Variants in PTPRM observed in about 807,000 individuals in gnomAD.
PTPRM encodes receptor-type tyrosine-protein phosphatase mu.
PTPRM carries 47 observed loss-of-function variants against 186.7 expected under a neutral mutation model. The ratio of observed to expected loss-of-function variants is 0.25; its 90% CI spans 0.20 to 0.32. The LOEUF (loss-of-function observed/expected upper bound fraction) is 0.32, where lower values mean the gene tolerates loss of function less well. Ranked by LOEUF, PTPRM falls within the 10% of genes least tolerant of loss-of-function variation. The pLI, the probability that PTPRM is intolerant of heterozygous loss-of-function variation, is 1.00. For synonymous variants in PTPRM, 668 were observed against 674.9 expected (o/e 0.99, Z 0.16); for missense variants, 1,494 against 1,865.0 (o/e 0.80, Z 3.66).
At chr18:8,323,351 G>A (rs2095357191) in intron 22 of PTPRM, among the ~76,000 whole-genome samples, 1 of 152,072 alleles carries the variant, frequency 6.6e-6, no homozygotes, top group Non-Finnish European at 1.5e-5. Context: ...CCTGTGTACT[G>A]CATGCTCACC....
chr18:8,272,372 T>G (rs2094783496), intron 19 of PTPRM, among the ~76,000 whole-genome samples: 1 of 152,068 alleles, frequency 6.6e-6, no homozygotes, highest in Non-Finnish European at 1.5e-5. Context: ...TTAAATGAGG[T>G]GCTAAACACA....
chr18:7,849,496 CAATTCTT>C (rs2046763184), intron 2 of PTPRM, among the ~76,000 whole-genome samples: 1 of 152,160 alleles, frequency 6.6e-6, no homozygotes, highest in Non-Finnish European at 1.5e-5. Context: ...ACTCTAGCTC[CAATTCTT>C]AAGTGGGGAA....
intron 1 of PTPRM, among the ~76,000 whole-genome samples, chr18:7,702,276 A>G (rs1405626483): frequency 6.6e-6 from 1 of 152,214 alleles, no homozygotes; most frequent in Non-Finnish European, 1.5e-5. Flanking sequence ...ACTGTCTTCC[A>G]CAATGATTGA....
At chr18:7,926,451 A>G in intron 4 of PTPRM, 117 bp from the exon 5 acceptor site, 1 of 558,420 alleles carries the variant, frequency 1.8e-6, no homozygotes, top group East Asian at 3.1e-5. Flanking sequence ...CAAAAGCATT[A>G]TTTTTTTCCC....
chr18:8,345,829 G>A (rs1251917852), intron 23 of PTPRM, among the ~76,000 whole-genome samples: 1 of 152,020 alleles, frequency 6.6e-6, no homozygotes, highest in Non-Finnish European at 1.5e-5. Context: ...ACATAGATAG[G>A]AAGAGATGAA....
At chr18:8,131,924 T>C (rs547940915) in intron 13 of PTPRM, among the ~76,000 whole-genome samples, 1 of 152,362 alleles carries the variant, frequency 6.6e-6, no homozygotes, top group Non-Finnish European at 1.5e-5. Flanking sequence ...TCAGTATCTC[T>C]GATGAGCTTT....
chr18:7,694,789 T>C (rs1244652601), intron 1 of PTPRM, among the ~76,000 whole-genome samples: 1 of 152,160 alleles, frequency 6.6e-6, no homozygotes, highest in Admixed American at 6.5e-5. Flanking sequence ...AATGGGTGAA[T>C]GTATTCATGA....
intron 5 of PTPRM, among the ~76,000 whole-genome samples, chr18:7,935,398 T>G (rs1405094719): frequency 6.6e-6 from 1 of 151,606 alleles, no homozygotes; most frequent in Non-Finnish European, 1.5e-5. Context: ...ATGTTTTAAC[T>G]TAATATGATT....
intron 14 of PTPRM, among the ~76,000 whole-genome samples, chr18:8,163,358 A>G (rs917893770): frequency 6.6e-6 from 1 of 152,120 alleles, no homozygotes; most frequent in Non-Finnish European, 1.5e-5. Flanking sequence ...ACTCTAGATT[A>G]AGTCTAGCTT....
At chr18:7,755,650 T>C (rs1297596567) in intron 1 of PTPRM, among the ~76,000 whole-genome samples, 6 of 152,252 alleles carry the variant, frequency 3.9e-5, no homozygotes, top group Non-Finnish European at 7.3e-5. Context: ...CCCTCATTTC[T>C]TGGTTGCTTT....
chr18:8,214,817 C>T (rs1258181547), intron 14 of PTPRM, among the ~76,000 whole-genome samples: 1 of 152,140 alleles, frequency 6.6e-6, no homozygotes, highest in East Asian at 1.9e-4. Flanking sequence ...CACCCGCCAC[C>T]GTGCCTGGCT....
At chr18:7,704,871 G>A (rs2040043248) in intron 1 of PTPRM, among the ~76,000 whole-genome samples, 2 of 152,202 alleles carry the variant, frequency 1.3e-5, no homozygotes, top group South Asian at 4.1e-4. Context: ...TTGGGACATA[G>A]AACAACTTCA....
At chr18:8,146,115 G>A (rs1217558190) in intron 14 of PTPRM, among the ~76,000 whole-genome samples, 6 of 143,272 alleles carry the variant, frequency 4.2e-5, no homozygotes, top group East Asian at 2.3e-4. Context: ...TGCAACCTCC[G>A]CCTCCCAGGT....
At chr18:8,017,566 G>GAGTA (rs1252999275) in intron 7 of PTPRM, among the ~76,000 whole-genome samples, 1 of 105,318 alleles carries the variant, frequency 9.5e-6, no homozygotes, top group Non-Finnish European at 1.8e-5. Flanking sequence ...CTGGGCAACA[G>GAGTA]AGTAAGACTC....
At chr18:8,305,380 T>A (rs531155430) in intron 20 of PTPRM, among the ~76,000 whole-genome samples, 7 of 151,982 alleles carry the variant, frequency 4.6e-5, no homozygotes, top group Non-Finnish European at 7.3e-5. Flanking sequence ...ATAAGACAAG[T>A]GATAGCTAAC....
chr18:8,387,039 T>C, intron 30 of PTPRM, 33 bp from the exon 31 acceptor site: 1 of 1,547,800 alleles, frequency 6.5e-7, no homozygotes, highest in African/African-American at 1.4e-5. Flanking sequence ...CTGTTTTCTT[T>C]CCACTCCCCG....
chr18:8,088,370 A>G (rs2090538442), intron 10 of PTPRM, among the ~76,000 whole-genome samples: 1 of 152,236 alleles, frequency 6.6e-6, no homozygotes, highest in Non-Finnish European at 1.5e-5. Context: ...TGCCTTTAGC[A>G]TAAACAGTTT....
At chr18:7,659,463 T>C (rs1017799836) in intron 1 of PTPRM, among the ~76,000 whole-genome samples, 3 of 152,230 alleles carry the variant, frequency 2.0e-5, no homozygotes, top group Admixed American at 1.3e-4. Context: ...TTATCTTGTT[T>C]ATTAATGTGT....
chr18:7,780,522 A>G (rs1365733404), intron 2 of PTPRM, among the ~76,000 whole-genome samples: 3 of 152,132 alleles, frequency 2.0e-5, no homozygotes, highest in Admixed American at 6.5e-5. Flanking sequence ...GGCTCTATCA[A>G]TGTGCAGCTG....
Sources: gnomAD v4.1 joint callset for allele counts (sites outside exome capture counted in the v4.1 genomes callset) on GRCh38, gnomAD v4.1.1 for gene constraint, MANE v1.5 for transcripts, NCBI Gene and HGNC (gene_info 2026-07-23, HGNC 2026-07-21) for gene names.